The following PPP3CB variants were observed in gnomAD, a reference collection of about 807,000 sequenced individuals.
The protein encoded by PPP3CB is protein phosphatase 3 catalytic subunit beta.
In PPP3CB, 8 loss-of-function variants were observed where a neutral mutation model predicts 66.4. That is an observed-to-expected ratio of 0.12 (90% CI 0.07 to 0.22). The LOEUF is 0.22. Among genes scored for constraint, PPP3CB ranks in the 10% least tolerant of loss-of-function variants. The pLI, the probability that PPP3CB is intolerant of heterozygous loss-of-function variation, is 1.00. For missense variants in PPP3CB, 319 were observed against 642.5 expected (o/e 0.50, Z 5.44); for synonymous variants, 208 against 221.2 (o/e 0.94, Z 0.53).
At position 73,495,830 on chromosome 10, in the gene PPP3CB, AGGGGGCGGCGGGGGCGGGGGT is replaced by A. The variant is rs756154701; in HGVS notation, c.39_59del (p.Pro15_Pro21del). ...CTTTGACGACGCGGTCAGCCCCGGGAGGGGGCGGCGGGGGCGGGGGTGGGGGCGGTGCAGCCCGGGCCGGCT... is the reference window on the plus strand; with the variant it reads ...CTTTGACGACGCGGTCAGCCCCGGGAGGGGGCGGTGCAGCCCGGGCCGGCT... On this transcript the variant is annotated inframe_deletion, in exon 1 of 14. Coordinates refer to ENST00000360663, the MANE Select transcript of PPP3CB (RefSeq NM_021132.4). The A allele has an allele frequency of 3.2e-6, 3 of 938,226 alleles. No homozygotes were observed. The highest frequency in any genetic ancestry group is 4.4e-6 in the Non-Finnish European group (3 of 680,898). The allele number at this position is 938,226 out of a possible 1,614,324, so 58.1% of individuals were successfully genotyped here. A position where few individuals can be genotyped will look rare whatever the true frequency, so the allele number is the denominator to read the frequency against.
At chr10:73,478,111 T>TA (rs998654867) in intron 3 of PPP3CB, among the ~76,000 whole-genome samples, 8 of 152,224 alleles carry the variant, frequency 5.3e-5, no homozygotes, top group Non-Finnish European at 7.4e-5. Context: ...GCTCAAGCAA[T>TA]AAAAAAATCA....
At chr10:73,443,003 G>A (rs1474062094) in intron 12 of PPP3CB, among the ~76,000 whole-genome samples, 1 of 149,118 alleles carries the variant, frequency 6.7e-6, no homozygotes, top group African/African-American at 2.5e-5. Context: ...GACCAGCCTG[G>A]GCAATACAAA....
chr10:73,478,703 T>G, intron 2 of PPP3CB, 80 bp from the exon 3 acceptor site: 1 of 1,231,874 alleles, frequency 8.1e-7, no homozygotes. Flanking sequence ...GTATTTTACA[T>G]AAGACATAGT....
At chr10:73,487,625 T>C (rs1380189537) in intron 1 of PPP3CB, among the ~76,000 whole-genome samples, 2 of 146,688 alleles carry the variant, frequency 1.4e-5, no homozygotes, top group Non-Finnish European at 3.0e-5. Flanking sequence ...GTTTACAGAA[T>C]TAATGATTAT....
Position 73,449,700 on chromosome 10 carries a change from C to A in PPP3CB, c.1187-3127G>T, listed in dbSNP as rs532884293. On this transcript the variant is annotated intron_variant, in intron 10 of 13. Coordinates refer to ENST00000360663, the MANE Select transcript of PPP3CB (RefSeq NM_021132.4). ...GTGGGTTTATACATTAGTGTTAATGCAAATTTTTGTCTTAAAAATGACCCC... is the reference window on the plus strand; with the variant it reads ...GTGGGTTTATACATTAGTGTTAATGAAAATTTTTGTCTTAAAAATGACCCC... Among the ~76,000 whole-genome samples, 3 of 152,200 alleles carry A rather than the reference C, an allele frequency of 2.0e-5. No homozygotes were observed. The East Asian group carries it at 5.8e-4, about 29-fold the overall frequency.
Position 73,436,973 on chromosome 10 carries a change from T to C in PPP3CB, c.*1269A>G, listed in dbSNP as rs1417908166. 6.5e-6 allele frequency: 1 copy of C among 152,688 alleles called. No individual in the cohort carries two copies. The highest frequency in any genetic ancestry group is 6.5e-5 in the Admixed American group (1 of 15,278). 9.5% of individuals were successfully genotyped at this position (152,688 alleles called of 1,614,324 possible). ...CCGCTGCCTGGAGCTCTGAGTTGTATTCCAGGGCATGAGGGAAGCAGGCCA... is the reference window on the plus strand; with the variant it reads ...CCGCTGCCTGGAGCTCTGAGTTGTACTCCAGGGCATGAGGGAAGCAGGCCA... On this transcript the variant is annotated 3_prime_UTR_variant, in exon 14 of 14. Transcript: ENST00000360663.
At chr10:73,448,014 A>T (rs2056286244) in intron 10 of PPP3CB, among the ~76,000 whole-genome samples, 1 of 152,184 alleles carries the variant, frequency 6.6e-6, no homozygotes, top group African/African-American at 2.4e-5. Context: ...TAGACAAAGA[A>T]ACTGAGGTTA....
chr10:73,477,314 T>C (rs1048388169), intron 3 of PPP3CB: 2 of 489,874 alleles, frequency 4.1e-6, no homozygotes, highest in Admixed American at 2.4e-5. Flanking sequence ...CAGGCAAGTA[T>C]GTAAAGATGT....
In PPP3CB at chr10:73,470,960, G is replaced by A. The variant is rs1023387956; in HGVS notation, c.814C>T (p.Pro272Ser). Residue 272 changes from proline to serine, a missense_variant, in exon 7 of 14, where the codon CCA becomes TCA. By Grantham distance (74) the Pro-to-Ser change is moderately conservative. Around this residue, in one of 5 missense-constraint regions of PPP3CB, gnomAD observed 120 missense variants for 331.2 expected, o/e 0.36. Transcript: ENST00000360663. Reference protein sequence around the residue: ...VRGCSYFYNYPAVCEFLQNNN... With the variant: ...VRGCSYFYNYSAVCEFLQNNN... Reference sequence around the variant, plus strand: ...TTTTGCAAAAATTCACACACTGCTGGATAGCTGTGGGGGAAAAAGAGTAAA... The same window carrying A: ...TTTTGCAAAAATTCACACACTGCTGAATAGCTGTGGGGGAAAAAGAGTAAA... The A allele has an allele frequency of 1.1e-5, 17 of 1,612,706 alleles. No homozygotes were observed. The highest frequency in any genetic ancestry group is 1.4e-5 in the Non-Finnish European group (16 of 1,179,176).
At chr10:73,458,895 C>A (rs985567948) in intron 9 of PPP3CB, among the ~76,000 whole-genome samples, 1 of 151,554 alleles carries the variant, frequency 6.6e-6, no homozygotes, top group African/African-American at 2.4e-5. Context: ...CATGGAGAAA[C>A]CCCGTCACTA....
intron 8 of PPP3CB, among the ~76,000 whole-genome samples, chr10:73,470,147 A>G (rs2056679705): frequency 6.6e-6 from 1 of 152,246 alleles, no homozygotes; most frequent in Non-Finnish European, 1.5e-5. Context: ...GTAAAAATAA[A>G]GAGAAGAATG....
chr10:73,488,131 G>A (rs1589720304), intron 1 of PPP3CB, among the ~76,000 whole-genome samples: 1 of 152,026 alleles, frequency 6.6e-6, no homozygotes, highest in East Asian at 1.9e-4. Context: ...CTTCTCCAGG[G>A]GTTTCACTAG....
At chr10:73,441,963 C>T (rs2056156853) in intron 12 of PPP3CB, among the ~76,000 whole-genome samples, 1 of 152,212 alleles carries the variant, frequency 6.6e-6, no homozygotes, top group Non-Finnish European at 1.5e-5. Flanking sequence ...TTTTGCAATA[C>T]CTAACTCTCA....
intron 10 of PPP3CB, among the ~76,000 whole-genome samples, chr10:73,451,864 G>GCCTC (rs1354517113): frequency 6.7e-6 from 1 of 149,394 alleles, no homozygotes; most frequent in Non-Finnish European, 1.5e-5. Flanking sequence ...TCCTGCCCCA[G>GCCTC]CCTCCCAAGT....
chr10:73,456,466 G>A (rs192493453), intron 9 of PPP3CB, among the ~76,000 whole-genome samples: 6 of 152,300 alleles, frequency 3.9e-5, no homozygotes, highest in African/African-American at 1.4e-4. Flanking sequence ...CTAAACAGAA[G>A]TTAAAAAAGT....
intron 1 of PPP3CB, among the ~76,000 whole-genome samples, chr10:73,486,295 G>GTTTT (rs1206671127): frequency 2.1e-4 from 25 of 117,784 alleles, no homozygotes; most frequent in Admixed American, 2.7e-4. Context: ...GGCCAGACTG[G>GTTTT]TTTTTTTTTT....
intron 9 of PPP3CB, among the ~76,000 whole-genome samples, chr10:73,457,955 C>T (rs1204983193): frequency 3.9e-4 from 59 of 151,984 alleles, no homozygotes; most frequent in Non-Finnish European, 1.8e-4. Context: ...GAATGATAGA[C>T]AAAGGAGACT....
At chr10:73,453,298 C>T (rs1238062474) in intron 10 of PPP3CB, among the ~76,000 whole-genome samples, 1 of 151,840 alleles carries the variant, frequency 6.6e-6, no homozygotes. Context: ...TAAATTTATT[C>T]CAAGGAGGAA....
intron 10 of PPP3CB, among the ~76,000 whole-genome samples, chr10:73,452,999 T>C (rs542639676): frequency 6.6e-6 from 1 of 152,342 alleles, no homozygotes; most frequent in African/African-American, 2.4e-5. Context: ...ATGAAATGGA[T>C]AGTTTACACA....
Sources: allele counts gnomAD v4.1 joint callset (sites outside exome capture counted in the v4.1 genomes callset), GRCh38; gene constraint gnomAD v4.1.1; regional missense constraint gnomAD v4.1.1; transcripts MANE v1.5; gene names NCBI Gene and HGNC (gene_info 2026-07-23, HGNC 2026-07-21).